DTNB: variants seen among roughly 807,000 people sequenced by gnomAD.
DTNB encodes the protein dystrobrevin beta.
Under a neutral mutation model 90.7 loss-of-function variants are expected in DTNB, and 63 were observed. The observed-to-expected ratio is 0.69, with a 90% CI of 0.57 to 0.86. The LOEUF (loss-of-function observed/expected upper bound fraction) is 0.86. Among genes scored for constraint, DTNB ranks in the 40% least tolerant of loss-of-function variants. DTNB has a pLI of 0.00. For synonymous variants in DTNB, 277 were observed against 286.7 expected, an observed-to-expected ratio of 0.97 and a Z score of 0.34; for missense variants, 744 against 807.1, an observed-to-expected ratio of 0.92 and a Z score of 0.95.
At chr2:25,458,166 G>A (rs186138543) in intron 10 of DTNB, among the ~76,000 whole-genome samples, 1 of 152,226 alleles carries the variant, frequency 6.6e-6, no homozygotes, top group East Asian at 1.9e-4. Context: ...TCAAACGGCT[G>A]GCTGAAGATT....
chr2:25,622,133 T>C (rs1233951738), intron 4 of DTNB, among the ~76,000 whole-genome samples: 3 of 152,106 alleles, frequency 2.0e-5, no homozygotes, highest in African/African-American at 4.8e-5. Context: ...AAAACATAAA[T>C]GGATGAAATA....
chr2:25,667,405 C>T (rs1333347599), intron 1 of DTNB, among the ~76,000 whole-genome samples: 1 of 151,934 alleles, frequency 6.6e-6, no homozygotes, highest in Non-Finnish European at 1.5e-5. Flanking sequence ...AGGAGAATCG[C>T]TTGAACCTGG....
chr2:25,639,265 G>C (rs1351793352), intron 2 of DTNB, 171 bp from the exon 3 acceptor site: 1 of 536,302 alleles, frequency 1.9e-6, no homozygotes, highest in Non-Finnish European at 3.2e-6. Context: ...GGAAACACGT[G>C]CATCTCCAGT....
chr2:25,380,242 ACT>A (rs1179712176), intron 19 of DTNB, among the ~76,000 whole-genome samples: 1 of 152,062 alleles, frequency 6.6e-6, no homozygotes, highest in Non-Finnish European at 1.5e-5. Flanking sequence ...AAGCAAATAT[ACT>A]CTCTCTCTTT....
At chr2:25,426,797 T>C (rs534054883) in intron 15 of DTNB, 1 of 152,334 alleles carries the variant, frequency 6.6e-6, no homozygotes, top group African/African-American at 2.4e-5. Flanking sequence ...AGAACCCTAA[T>C]ACAGTTGTCT....
intron 9 of DTNB, among the ~76,000 whole-genome samples, chr2:25,512,096 G>A (rs370224931): frequency 1.3e-5 from 2 of 152,096 alleles, no homozygotes; most frequent in African/African-American, 4.8e-5. Flanking sequence ...GGGAAAAAGC[G>A]AGACAAAAGA....
At chr2:25,551,250 G>A (rs541027302) in intron 8 of DTNB, among the ~76,000 whole-genome samples, 2 of 152,008 alleles carry the variant, frequency 1.3e-5, no homozygotes, top group African/African-American at 2.4e-5. Context: ...GTTTTAATGC[G>A]CATGAAAGTC....
rs2040134206 is a variant in DTNB, at chr2:25,388,371, C to G, written c.1576-10G>C. 6.3e-7 allele frequency: 1 copy of G among 1,591,096 alleles called. No homozygotes were observed. On this transcript the variant is annotated splice_polypyrimidine_tract_variant and intron_variant, in intron 16 of 20. Coordinates refer to ENST00000406818, the MANE Select transcript of DTNB (RefSeq NM_021907.5). ...ACCCTGTGGCCTGAGCCTGGAGATT[C>G]AAAGACAGAAAATACGTTATCTCAA... is the stretch of plus-strand genomic sequence containing the variant.
intron 8 of DTNB, among the ~76,000 whole-genome samples, chr2:25,548,045 A>T (rs2082807592): frequency 6.6e-6 from 1 of 152,210 alleles, no homozygotes; most frequent in Non-Finnish European, 1.5e-5. Flanking sequence ...ACTTTAAAGA[A>T]ATTAGTCAAT....
chr2:25,515,108 G>A (rs2074808497), intron 9 of DTNB, among the ~76,000 whole-genome samples: 1 of 152,050 alleles, frequency 6.6e-6, no homozygotes, highest in African/African-American at 2.4e-5. Context: ...CATAGAAGAT[G>A]ACTGTGCCCT....
intron 9 of DTNB, among the ~76,000 whole-genome samples, chr2:25,503,167 C>G (rs1047345917): frequency 1.5e-4 from 22 of 142,644 alleles, no homozygotes; most frequent in Admixed American, 4.4e-4. Flanking sequence ...TGATCTCATA[C>G]ACAGAAAACT....
At chr2:25,399,517 T>C (rs1431984984) in intron 16 of DTNB, 1 of 152,056 alleles carries the variant, frequency 6.6e-6, no homozygotes, top group Non-Finnish European at 1.5e-5. Context: ...CTAATTTTTG[T>C]ATTTTTAGTA....
intron 15 of DTNB, chr2:25,421,093 C>T (rs1181710000): frequency 1.3e-5 from 2 of 152,178 alleles, no homozygotes; most frequent in Non-Finnish European, 1.5e-5. Flanking sequence ...TGCAGCCAGT[C>T]TTTACTGAAC....
intron 8 of DTNB, among the ~76,000 whole-genome samples, chr2:25,572,905 T>C (rs538302183): frequency 1.3e-5 from 2 of 152,324 alleles, no homozygotes; most frequent in East Asian, 1.9e-4. Context: ...ACAAGGTCAG[T>C]TGCTTCTGGC....
At chr2:25,470,071 C>T (rs989920371) in intron 10 of DTNB, among the ~76,000 whole-genome samples, 9 of 152,272 alleles carry the variant, frequency 5.9e-5, no homozygotes, top group African/African-American at 2.2e-4. Flanking sequence ...CTCAGAAAAG[C>T]ATTTCTGTGT....
At chr2:25,475,978 G>A (rs4665791) in intron 10 of DTNB, among the ~76,000 whole-genome samples, 44,286 of 151,834 alleles carry the variant, frequency 0.29, 7,683 homozygotes, top group East Asian at 0.57. Context: ...GCTCCTAAGA[G>A]CTCTGAAGAA....
chr2:25,616,578 C>T (rs957350581), intron 4 of DTNB, among the ~76,000 whole-genome samples: 1 of 138,262 alleles, frequency 7.2e-6, no homozygotes, highest in Non-Finnish European at 1.5e-5. Context: ...GGCTGGTCTC[C>T]GATGAAAGAA....
intron 5 of DTNB, among the ~76,000 whole-genome samples, chr2:25,604,664 C>T (rs2066689919): frequency 6.6e-6 from 1 of 152,204 alleles, no homozygotes; most frequent in East Asian, 1.9e-4. Flanking sequence ...ATGCTCTTGG[C>T]TCACTACAAC....
intron 16 of DTNB, among the ~76,000 whole-genome samples, chr2:25,392,709 C>A (rs1389931103): frequency 1.3e-5 from 2 of 152,048 alleles, no homozygotes; most frequent in Non-Finnish European, 2.9e-5. Context: ...TACAGAATAT[C>A]TGAATAGACC....
Sources: allele counts gnomAD v4.1 joint callset (sites outside exome capture counted in the v4.1 genomes callset), GRCh38; gene constraint gnomAD v4.1.1; transcripts MANE v1.5; gene names NCBI Gene and HGNC (gene_info 2026-07-23, HGNC 2026-07-21).